IGSF11: variants seen among roughly 807,000 people sequenced by gnomAD.
The protein encoded by IGSF11 is immunoglobulin superfamily member 11.
Under a neutral mutation model 41.0 loss-of-function variants are expected in IGSF11, and 22 were observed. The observed-to-expected ratio is 0.54, with a 90% confidence interval of 0.38 to 0.77. The LOEUF is 0.77. IGSF11 is among the 30% of genes least tolerant of loss of function. The pLI, the probability that IGSF11 is intolerant of heterozygous loss-of-function variation, is 0.00. For missense variants in IGSF11, 444 were observed against 530.8 expected, an observed-to-expected ratio of 0.84 and a Z score of 1.61; for synonymous variants, 219 against 201.3, an observed-to-expected ratio of 1.09 and a Z score of -0.74.
chr3:119,020,096 C>T (rs373100058), intron 1 of IGSF11, among the ~76,000 whole-genome samples: 1 of 152,168 alleles, frequency 6.6e-6, no homozygotes, highest in Non-Finnish European at 1.5e-5. Context: ...GGCTTAGACT[C>T]CCCAGCCTCT....
In IGSF11 at chr3:119,059,962, A is replaced by G. The variant is rs183462579; in HGVS notation, c.49+45182T>C. ...GAAGAGATGAAAAAGAGTTCATTCC[A>G]CTGTCCACTAACCAGAGACAGTTGT... On this transcript the variant is annotated intron_variant, in intron 1 of 6. Coordinates refer to the IGSF11 transcript ENST00000354673. Among the ~76,000 whole-genome samples the G allele has an allele frequency of 1.2e-4, 19 of 152,318 alleles. No individual in the cohort carries two copies. The East Asian group carries it at 3.7e-3, about 29-fold the overall frequency.
At chr3:119,049,082 T>G (rs1380884081) in intron 1 of IGSF11, among the ~76,000 whole-genome samples, 2 of 151,448 alleles carry the variant, frequency 1.3e-5, no homozygotes, top group Non-Finnish European at 1.5e-5. Flanking sequence ...CTTTGAAAAC[T>G]GGCACAAGAC....
chr3:119,142,766 G>T (rs922294931), intron 1 of IGSF11, among the ~76,000 whole-genome samples: 6 of 151,544 alleles, frequency 4.0e-5, no homozygotes, highest in African/African-American at 1.5e-4. Context: ...AACTCCAAAA[G>T]AATAACATAA....
intron 1 of IGSF11, among the ~76,000 whole-genome samples, chr3:118,979,919 A>G (rs1272501543): frequency 2.0e-5 from 3 of 152,356 alleles, no homozygotes; most frequent in East Asian, 1.9e-4. Context: ...GAAAATGCTC[A>G]TAACTAATCA....
intron 1 of IGSF11, among the ~76,000 whole-genome samples, chr3:118,957,257 G>A (rs1394327776): frequency 6.6e-6 from 1 of 152,102 alleles, no homozygotes; most frequent in Non-Finnish European, 1.5e-5. Flanking sequence ...ACACTGGGGA[G>A]GGCAATCTAC....
chr3:119,035,832 G>A, upstream of IGSF11, among the ~76,000 whole-genome samples: 1 of 152,132 alleles, frequency 6.6e-6, no homozygotes, highest in Non-Finnish European at 1.5e-5. Flanking sequence ...CTGCCCAGGG[G>A]ATGCCAACCC....
intron 1 of IGSF11, among the ~76,000 whole-genome samples, chr3:119,048,491 T>A (rs1177381298): frequency 6.6e-6 from 1 of 152,110 alleles, no homozygotes; most frequent in Non-Finnish European, 1.5e-5. Context: ...GATCTGAAAG[T>A]GTGGCAATAA....
intron 1 of IGSF11, among the ~76,000 whole-genome samples, chr3:119,143,708 A>G (rs2077679251): frequency 6.6e-6 from 1 of 152,194 alleles, no homozygotes; most frequent in Non-Finnish European, 1.5e-5. Flanking sequence ...CCAACTATAT[A>G]GTGTAAGATT....
chr3:119,111,203 T>A (rs1206553064), intron 1 of IGSF11, among the ~76,000 whole-genome samples: 2 of 152,236 alleles, frequency 1.3e-5, no homozygotes, highest in East Asian at 3.8e-4. Context: ...CTTGGTTCCA[T>A]TCTCCCCATC....
chr3:118,922,362 A>G (rs1329053011), intron 4 of IGSF11, among the ~76,000 whole-genome samples: 1 of 152,118 alleles, frequency 6.6e-6, no homozygotes, highest in Non-Finnish European at 1.5e-5. Flanking sequence ...TGAAAAGATT[A>G]CCACAACCAA....
chr3:119,056,562 A>G (rs1291895151), intron 1 of IGSF11, among the ~76,000 whole-genome samples: 1 of 152,228 alleles, frequency 6.6e-6, no homozygotes, highest in Non-Finnish European at 1.5e-5. Context: ...GGCTGTTACC[A>G]TTCCTTCTGA....
chr3:119,096,197 G>GGAGCTTGAT lies in IGSF11; in HGVS notation c.49+8946_49+8947insATCAAGCTC, dbSNP rs770583491. ...TTGGCTTTCAAGCACTCTTCTTGAT[G>GGAGCTTGAT]GGAGGGTACCTACTGGTGGGCATAC... On this transcript the variant is annotated intron_variant, in intron 1 of 6. Transcript: ENST00000354673. Among the ~76,000 whole-genome samples, 394 of 152,100 alleles carry GGAGCTTGAT rather than the reference G, an allele frequency of 2.6e-3. 3 individuals carry two copies. The highest frequency in any genetic ancestry group is 4.4e-3 in the Non-Finnish European group (302 of 67,994).
rs553360850 is a variant in IGSF11, at chr3:119,041,683, T to A, written c.49+63461A>T. The stretch of plus-strand genomic sequence containing the variant: ...ATGTGAATAATTTTCTGCCAAAAAA[T>A]CTGAAAATTTGGAGGAAATGAGCAA... On this transcript the variant is annotated intron_variant, in intron 1 of 6. Coordinates refer to the IGSF11 transcript ENST00000354673. 9.9e-5 allele frequency among the ~76,000 whole-genome samples: 15 copies of A among 152,268 alleles called. No individual in the cohort carries two copies. The South Asian group carries it at 2.5e-3, about 25-fold the overall frequency.
At chr3:118,985,310 G>C (rs999313720) in intron 1 of IGSF11, among the ~76,000 whole-genome samples, 4 of 152,170 alleles carry the variant, frequency 2.6e-5, no homozygotes, top group South Asian at 2.1e-4. Context: ...AGGTAGGAGG[G>C]AAGGGGGGAA....
chr3:118,943,097 C>T (rs1943832264), intron 1 of IGSF11: 2 of 152,298 alleles, frequency 1.3e-5, no homozygotes, highest in East Asian at 1.9e-4. Context: ...CAGAGCAACA[C>T]AAAGGATCCT....
upstream of IGSF11, among the ~76,000 whole-genome samples, chr3:119,106,479 A>C (rs2077026932): frequency 6.6e-6 from 1 of 152,100 alleles, no homozygotes; most frequent in South Asian, 2.1e-4. Context: ...TGCCTGGTTT[A>C]CTTCACCTGA....
At chr3:118,923,478 C>G (rs1942018191) in intron 4 of IGSF11, among the ~76,000 whole-genome samples, 1 of 152,160 alleles carries the variant, frequency 6.6e-6, no homozygotes, top group African/African-American at 2.4e-5. Context: ...ATTAGCTAAT[C>G]TATAGTTTAT....
At chr3:118,945,030 T>C (rs1944010445) in intron 1 of IGSF11, 1 of 152,222 alleles carries the variant, frequency 6.6e-6, no homozygotes, top group Non-Finnish European at 1.5e-5. Flanking sequence ...GGGCACATTA[T>C]TTTAACTTGT....
At chr3:119,040,458 C>T (rs1941077110) in intron 1 of IGSF11, among the ~76,000 whole-genome samples, 1 of 152,174 alleles carries the variant, frequency 6.6e-6, no homozygotes, top group Non-Finnish European at 1.5e-5. Context: ...TATTGCAATT[C>T]CCCTGTCTTG....
Sources: allele counts gnomAD v4.1 joint callset (sites outside exome capture counted in the v4.1 genomes callset), GRCh38; gene constraint gnomAD v4.1.1; transcripts MANE v1.5; gene names NCBI Gene and HGNC (gene_info 2026-07-23, HGNC 2026-07-21).